TNFRSF21: variants seen among roughly 807,000 people sequenced by gnomAD.
TNFRSF21 encodes TNF receptor superfamily member 21, also known as tumor necrosis factor receptor superfamily member 21.
A neutral mutation model predicts 45.6 loss-of-function variants in TNFRSF21; 19 were observed. The ratio of observed to expected loss-of-function variants is 0.42; its 90% CI spans 0.29 to 0.61. TNFRSF21 has a LOEUF of 0.61. Among genes scored for constraint, TNFRSF21 ranks in the 20% least tolerant of loss-of-function variants. TNFRSF21 has a pLI of 0.23. For missense variants in TNFRSF21, 737 were observed against 851.5 expected, an observed-to-expected ratio of 0.87 and a Z score of 1.67; for synonymous variants, 314 against 335.5, an observed-to-expected ratio of 0.94 and a Z score of 0.70.
At chr6:47,243,553 G>A (rs1764778902) in intron 4 of TNFRSF21, among the ~76,000 whole-genome samples, 1 of 152,032 alleles carries the variant, frequency 6.6e-6, no homozygotes, top group Non-Finnish European at 1.5e-5. Context: ...GACTAGCTGG[G>A]ATTACAGGCA....
rs989413478 is a variant in TNFRSF21 at position 47,280,835 on chromosome 6, T to A, written c.1243+3103A>T. ...TTAAAAACCAGACTGCAAAAGAGAG[T>A]TTAAAAATGTAGCTGACCATAATCT... is the stretch of plus-strand genomic sequence containing the variant. On this transcript the variant is annotated intron_variant, in intron 3 of 5. Transcript: ENST00000296861. Among the ~76,000 whole-genome samples the A allele has an allele frequency of 4.6e-5, 7 of 152,052 alleles. No individual in the cohort carries two copies. The East Asian group carries it at 1.4e-3, about 29-fold the overall frequency.
chr6:47,235,571 C>G (rs1334796459), intron 4 of TNFRSF21, among the ~76,000 whole-genome samples: 1 of 152,154 alleles, frequency 6.6e-6, no homozygotes, highest in Non-Finnish European at 1.5e-5. Context: ...ATGCAGTCTG[C>G]GGTCCTTTGT....
At chr6:47,253,077 C>A (rs1334262321) in intron 4 of TNFRSF21, among the ~76,000 whole-genome samples, 179 bp downstream of exon 4, 1 of 151,894 alleles carries the variant, frequency 6.6e-6, no homozygotes, top group African/African-American at 2.4e-5. Flanking sequence ...TAGACGGCCA[C>A]TGAGAACCCC....
chr6:47,258,328 C>G (rs148129852), intron 3 of TNFRSF21, among the ~76,000 whole-genome samples: 271 of 151,456 alleles, frequency 1.8e-3, no homozygotes, highest in African/African-American at 6.4e-3. Flanking sequence ...CAGGATTGTA[C>G]CACCGCACCC....
chr6:47,294,094 T>C (rs1342701730), intron 1 of TNFRSF21, among the ~76,000 whole-genome samples: 2 of 152,180 alleles, frequency 1.3e-5, no homozygotes, highest in African/African-American at 4.8e-5. Flanking sequence ...ACCAACATAT[T>C]AGAAGTGGTG....
chr6:47,266,128 C>T (rs1348999946), intron 3 of TNFRSF21, among the ~76,000 whole-genome samples: 2 of 152,296 alleles, frequency 1.3e-5, no homozygotes, highest in Non-Finnish European at 1.5e-5. Context: ...GATTGCACTG[C>T]ATTGCAAATC....
Position 47,253,374 on chromosome 6 carries a change from T to C in TNFRSF21, c.1391A>G (p.Gln464Arg), listed in dbSNP as rs1486055134. ...ADHERAYAAL[Q>R]HWTIRGPEAS... is the part of the protein sequence containing the mutation. Reference sequence around the variant, plus strand: ...CTCGGGGCCCCGGATGGTCCAGTGCTGCAGAGCTGCGTAGGCCCGCTCGTG... The same window carrying C: ...CTCGGGGCCCCGGATGGTCCAGTGCCGCAGAGCTGCGTAGGCCCGCTCGTG... Residue 464 changes from glutamine (Q) to arginine (R), a missense_variant, in exon 4 of 6, where the codon CAG becomes CGG. Transcript: ENST00000296861. 1 of 1,614,170 alleles carries C rather than the reference T, an allele frequency of 6.2e-7. No homozygotes were observed. Among genetic ancestry groups the C allele is most frequent in the Non-Finnish European group, 8.5e-7 (1 of 1,180,020 alleles).
At chr6:47,264,174 C>G (rs1344780903) in intron 3 of TNFRSF21, among the ~76,000 whole-genome samples, 1 of 152,076 alleles carries the variant, frequency 6.6e-6, no homozygotes, top group Admixed American at 6.5e-5. Flanking sequence ...TTCAATATCC[C>G]AAACAGCTTA....
At chr6:47,291,458 C>T (rs1055782224) in intron 1 of TNFRSF21, among the ~76,000 whole-genome samples, 3 of 152,130 alleles carry the variant, frequency 2.0e-5, no homozygotes, top group African/African-American at 7.2e-5. Flanking sequence ...GTGACTCAGA[C>T]TAGGGTGGCG....
At chr6:47,296,517 T>C (rs991400386) in intron 1 of TNFRSF21, among the ~76,000 whole-genome samples, 2 of 152,160 alleles carry the variant, frequency 1.3e-5, no homozygotes, top group Non-Finnish European at 2.9e-5. Context: ...GGATAGGGGC[T>C]GGTCATAAGA....
intron 3 of TNFRSF21, among the ~76,000 whole-genome samples, chr6:47,257,687 T>C (rs1040552424): frequency 6.6e-6 from 1 of 152,234 alleles, no homozygotes; most frequent in Non-Finnish European, 1.5e-5. Flanking sequence ...AAAGTTCTGT[T>C]TCCTAGGCTG....
In TNFRSF21 at chr6:47,245,475, T is replaced by TGTGTGC. The variant is rs1317137080; in HGVS notation, c.1509+7780_1509+7781insGCACAC. ...GTGTGTGTTTGTGTGTGTGTGTGTGTGTGTTGGGCAGGGAGTGTATATTAA... is the reference window on the plus strand; with the variant it reads ...GTGTGTGTTTGTGTGTGTGTGTGTGTGTGTGCGTGTTGGGCAGGGAGTGTATATTAA... On this transcript the variant is annotated intron_variant, in intron 4 of 5. Coordinates refer to ENST00000296861, the MANE Select transcript of TNFRSF21 (RefSeq NM_014452.5). Among the ~76,000 whole-genome samples, 13 of 151,628 alleles carry TGTGTGC rather than the reference T, an allele frequency of 8.6e-5. 1 individual carries two copies. In the South Asian group the frequency reaches 2.3e-3, roughly 27 times the overall value.
chr6:47,278,616 A>G (rs2113861176), intron 3 of TNFRSF21, among the ~76,000 whole-genome samples: 1 of 152,286 alleles, frequency 6.6e-6, no homozygotes, highest in Admixed American at 6.5e-5. Flanking sequence ...GTAAGACCCA[A>G]TGTCTTCTCT....
At position 47,249,964 on chromosome 6, in the gene TNFRSF21, G is replaced by A. The variant is rs115759267; in HGVS notation, c.1509+3292C>T. The stretch of plus-strand genomic sequence containing the variant: ...GAGAGAGAAAAAAATAAAAAAAGAC[G>A]AGAGGACAAATTGAAAACAAAGATG... On this transcript the variant is annotated intron_variant, in intron 4 of 5. Coordinates refer to ENST00000296861, the MANE Select transcript of TNFRSF21 (RefSeq NM_014452.5). 3.5e-3 allele frequency among the ~76,000 whole-genome samples: 533 copies of A among 152,068 alleles called. 4 individuals carry two copies. The highest frequency in any genetic ancestry group is 6.8e-3 in the Middle Eastern group (2 of 292).
intron 3 of TNFRSF21, among the ~76,000 whole-genome samples, chr6:47,264,863 C>T (rs1057353099): frequency 1.3e-5 from 2 of 152,140 alleles, no homozygotes; most frequent in African/African-American, 4.8e-5. Context: ...GGCTGTCAGC[C>T]CATAGCTGGA....
chr6:47,276,982 G>GGTTTT (rs952968247), intron 3 of TNFRSF21, among the ~76,000 whole-genome samples: 9 of 151,948 alleles, frequency 5.9e-5, no homozygotes, highest in South Asian at 2.1e-4. Flanking sequence ...CAGTTTTTTT[G>GGTTTT]GTTTTGTTTT....
In TNFRSF21 at chr6:47,253,374, T is replaced by A; in HGVS notation, c.1391A>T (p.Gln464Leu). ...ADHERAYAAL[Q>L]HWTIRGPEAS... ...CTCGGGGCCCCGGATGGTCCAGTGC[T>A]GCAGAGCTGCGTAGGCCCGCTCGTG... The change falls in exon 4 of 6, where the codon CAG becomes CTG. Residue 464 changes from glutamine (Q) to leucine (L), a missense_variant. Gln to Leu is a moderately radical substitution (Grantham distance 113). Transcript: ENST00000296861. The A allele has an allele frequency of 6.2e-7, 1 of 1,614,170 alleles. No individual in the cohort carries two copies. The highest frequency in any genetic ancestry group is 8.5e-7 in the Non-Finnish European group (1 of 1,180,020).
chr6:47,291,016 A>G (rs987537556), intron 1 of TNFRSF21, among the ~76,000 whole-genome samples: 4 of 152,218 alleles, frequency 2.6e-5, no homozygotes, highest in African/African-American at 7.2e-5. Flanking sequence ...ACAGAATCCT[A>G]TGAGAGGGAA....
At chr6:47,270,026 A>G (rs1459053383) in intron 3 of TNFRSF21, among the ~76,000 whole-genome samples, 1 of 152,254 alleles carries the variant, frequency 6.6e-6, no homozygotes, top group East Asian at 1.9e-4. Context: ...ACTTAAGCAC[A>G]TAGTCCCAAC....
Sources: allele counts gnomAD v4.1 joint callset (sites outside exome capture counted in the v4.1 genomes callset), GRCh38; gene constraint gnomAD v4.1.1; transcripts MANE v1.5; gene names NCBI Gene and HGNC (gene_info 2026-07-23, HGNC 2026-07-21).